The following DGKI variants were observed in gnomAD, a reference collection of about 807,000 sequenced individuals.
The protein encoded by DGKI is diacylglycerol kinase iota, also known as DAG kinase iota.
DGKI carries 55 observed loss-of-function variants against 147.5 expected under a neutral mutation model. That is an observed-to-expected ratio of 0.37 (90% CI 0.30 to 0.47). The LOEUF (loss-of-function observed/expected upper bound fraction) is 0.47. Ranked by LOEUF, DGKI falls within the 20% of genes least tolerant of loss-of-function variation. The pLI is 1.00. For missense variants in DGKI, 1,007 were observed against 1,323.8 expected, an observed-to-expected ratio of 0.76 and a Z score of 3.71; for synonymous variants, 469 against 477.1, an observed-to-expected ratio of 0.98 and a Z score of 0.22.
intron 1 of DGKI, among the ~76,000 whole-genome samples, chr7:137,803,180 G>A (rs1056426709): frequency 8.5e-5 from 13 of 152,152 alleles, no homozygotes; most frequent in African/African-American, 2.2e-4. Context: ...TGCAAGCTGA[G>A]AGAAAACGCA....
At chr7:137,456,520 T>C (rs1262109029) in intron 27 of DGKI, among the ~76,000 whole-genome samples, 3 of 152,120 alleles carry the variant, frequency 2.0e-5, no homozygotes, top group Admixed American at 6.5e-5. Context: ...CAAAGTGCTA[T>C]GGAGACAGAG....
intron 1 of DGKI, among the ~76,000 whole-genome samples, chr7:137,825,618 ACACACACACTCT>A (rs1798032849): frequency 1.3e-5 from 2 of 151,888 alleles, no homozygotes; most frequent in South Asian, 2.1e-4. Context: ...ACACACAGAC[ACACACACACTCT>A]CACACACACA....
chr7:137,744,844 C>T (rs79889114), intron 1 of DGKI, among the ~76,000 whole-genome samples: 3,022 of 152,194 alleles, frequency 0.02, 217 homozygotes, highest in East Asian at 0.17. Flanking sequence ...ATCCAACATC[C>T]GTTTATGATA....
In DGKI at chr7:137,407,918, A is replaced by G; in HGVS notation, c.2877T>C (p.Ala959=). Residue 959 remains alanine, a synonymous_variant, in exon 30 of 33, where the codon GCT becomes GCC. Transcript: ENST00000614521. ...PDHCSLLHYA[A]KTGNGEIVKY... ...TCACAATCTCCCCGTTGCCGGTTTT[A>G]GCTGCGTAGTGAAGGAGTGAACAGT... The G allele has an allele frequency of 6.2e-7, 1 of 1,614,138 alleles. No individual in the cohort carries two copies. Among genetic ancestry groups the G allele is most frequent in the East Asian group, 2.2e-5 (1 of 44,882 alleles).
Position 137,387,508 on chromosome 7 carries a change from A to G in DGKI, c.*3712T>C, listed in dbSNP as rs1468626995. On this transcript the variant is annotated 3_prime_UTR_variant, in exon 33 of 33. Coordinates refer to ENST00000614521, the MANE Select transcript of DGKI (RefSeq NM_001321708.2). ...TGTTTGCTCTTTTCTAAACCTATGC[A>G]ATATACATGAATATAGTATACATAC... The G allele has an allele frequency of 6.6e-6, 1 of 152,222 alleles. No homozygotes were observed. Among genetic ancestry groups the G allele is most frequent in the Non-Finnish European group, 1.5e-5 (1 of 68,032 alleles). The allele number at this position is 152,222 out of a possible 1,614,324, so 9.4% of individuals were successfully genotyped here.
chr7:137,499,594 G>C (rs1165849814), intron 21 of DGKI, among the ~76,000 whole-genome samples: 1 of 152,052 alleles, frequency 6.6e-6, no homozygotes, highest in Non-Finnish European at 1.5e-5. Context: ...ATCTTCTCCT[G>C]CCCTTTGACA....
At chr7:137,434,033 C>T (rs1434026917) in intron 28 of DGKI, among the ~76,000 whole-genome samples, 4 of 151,420 alleles carry the variant, frequency 2.6e-5, no homozygotes, top group South Asian at 2.1e-4. Flanking sequence ...GCAGGAGAAG[C>T]GCTTGAACCT....
chr7:137,696,431 C>CTTTT lies in DGKI; in HGVS notation c.402-6433_402-6430dup, dbSNP rs10609322. ...GTAAATAAATGCAATGCCCAAAAGA[C>CTTTT]TTTTTTTTTTTTTTTTTTTTTTTTT... On this transcript the variant is annotated intron_variant, in intron 1 of 32. Transcript: ENST00000614521. 1.7e-3 allele frequency among the ~76,000 whole-genome samples: 64 copies of CTTTT among 36,684 alleles called. 6 individuals are homozygous for CTTTT. The highest frequency in any genetic ancestry group is 3.5e-3 in the African/African-American group (31 of 8,868). The allele number at this position is 36,684 out of a possible 152,430, so 24.1% of individuals were successfully genotyped here.
At chr7:137,520,336 G>A (rs993381490) in intron 21 of DGKI, among the ~76,000 whole-genome samples, 3 of 151,976 alleles carry the variant, frequency 2.0e-5, no homozygotes, top group Non-Finnish European at 2.9e-5. Context: ...ATAAAACACT[G>A]TTCTTTATGA....
At chr7:137,709,133 T>C (rs1794139715) in intron 1 of DGKI, among the ~76,000 whole-genome samples, 1 of 152,186 alleles carries the variant, frequency 6.6e-6, no homozygotes, top group East Asian at 1.9e-4. Context: ...GACTATAAAC[T>C]ACTTTATATA....
At chr7:137,421,960 G>A (rs1812588073) in intron 28 of DGKI, among the ~76,000 whole-genome samples, 1 of 152,284 alleles carries the variant, frequency 6.6e-6, no homozygotes, top group African/African-American at 2.4e-5. Context: ...CAATTTTGGA[G>A]ACACAGATAT....
chr7:137,691,522 C>G (rs1823602735), intron 1 of DGKI, among the ~76,000 whole-genome samples: 2 of 152,104 alleles, frequency 1.3e-5, no homozygotes, highest in Non-Finnish European at 2.9e-5. Context: ...ACAAATGAGT[C>G]CCCAAAGGAA....
At chr7:137,482,786 C>T (rs982577233) in intron 23 of DGKI, among the ~76,000 whole-genome samples, 6 of 152,004 alleles carry the variant, frequency 3.9e-5, no homozygotes, top group Non-Finnish European at 7.4e-5. Context: ...GTTTAATGAG[C>T]AAATTCTGGG....
chr7:137,800,212 G>T (rs954911501), intron 1 of DGKI, among the ~76,000 whole-genome samples: 2 of 152,166 alleles, frequency 1.3e-5, no homozygotes. Flanking sequence ...AAACTGGAGT[G>T]ATATACCAGC....
At chr7:137,830,164 C>G (rs1172348014) in intron 1 of DGKI, among the ~76,000 whole-genome samples, 6 of 152,294 alleles carry the variant, frequency 3.9e-5, no homozygotes, top group Admixed American at 2.6e-4. Flanking sequence ...ATATTATCAG[C>G]AATTTGTTAA....
intron 27 of DGKI, among the ~76,000 whole-genome samples, chr7:137,449,239 T>G (rs1205556054): frequency 6.6e-6 from 1 of 151,966 alleles, no homozygotes; most frequent in Non-Finnish European, 1.5e-5. Flanking sequence ...CTCAAAATAT[T>G]TGACAAAGCT....
chr7:137,799,732 G>C (rs574081908), intron 1 of DGKI, among the ~76,000 whole-genome samples: 87 of 152,222 alleles, frequency 5.7e-4, no homozygotes, highest in Non-Finnish European at 1.0e-3. Context: ...ACCAATCAAA[G>C]GAATGCTTGA....
At chr7:137,545,865 G>A (rs773268919) in intron 20 of DGKI, 5 of 696,888 alleles carry the variant, frequency 7.2e-6, no homozygotes, top group South Asian at 3.0e-5. Context: ...CGAGGCTGGG[G>A]AGAAAATGTA....
intron 28 of DGKI, among the ~76,000 whole-genome samples, chr7:137,435,739 A>G (rs1250228293): frequency 6.6e-6 from 1 of 152,196 alleles, no homozygotes; most frequent in Admixed American, 6.5e-5. Flanking sequence ...TCTACCTAGC[A>G]ATGCAATTAA....
Sources: allele counts gnomAD v4.1 joint callset (sites outside exome capture counted in the v4.1 genomes callset), GRCh38; gene constraint gnomAD v4.1.1; transcripts MANE v1.5; gene names NCBI Gene and HGNC (gene_info 2026-07-23, HGNC 2026-07-21).